MICU2: variants seen among roughly 807,000 people sequenced by gnomAD.
The protein encoded by MICU2 is mitochondrial calcium uptake 2.
MICU2 carries 64 observed loss-of-function variants against 60.4 expected under a neutral mutation model. The observed-to-expected ratio is 1.06, with a 90% CI of 0.87 to 1.31. The LOEUF (loss-of-function observed/expected upper bound fraction) is 1.31. Among genes scored for constraint, MICU2 ranks in the 50% most tolerant of loss-of-function variants. The pLI is 0.00. For missense variants in MICU2, 569 were observed against 531.0 expected (o/e 1.07, Z -0.70); for synonymous variants, 201 against 175.0 (o/e 1.15, Z -1.17).
intron 1 of MICU2, among the ~76,000 whole-genome samples, chr13:21,572,152 G>A (rs1190721068): frequency 6.6e-6 from 1 of 152,248 alleles, no homozygotes; most frequent in African/African-American, 2.4e-5. Context: ...CTAACAGCCT[G>A]ACAGTAAGGC....
chr13:21,584,261 C>T (rs947167620), intron 1 of MICU2, among the ~76,000 whole-genome samples: 13 of 151,882 alleles, frequency 8.6e-5, no homozygotes, highest in Non-Finnish European at 1.5e-4. Flanking sequence ...TGGTGGCAGG[C>T]GCCTGTAGTC....
chr13:21,591,824 A>G lies in MICU2; in HGVS notation c.210+12115T>C, dbSNP rs545241226. On this transcript the variant is annotated intron_variant, in intron 1 of 11. Transcript: ENST00000382374. Reference sequence around the variant, plus strand: ...GAAATCAACAAGTTCTTTGAAACCAATGAGAACAAAGAGATATCTCTGGGA... The same window carrying G: ...GAAATCAACAAGTTCTTTGAAACCAGTGAGAACAAAGAGATATCTCTGGGA... Among the ~76,000 whole-genome samples, 27 of 152,306 alleles carry G rather than the reference A, an allele frequency of 1.8e-4. No homozygotes were observed. The East Asian group carries it at 4.2e-3, about 24-fold the overall frequency.
At chr13:21,502,601 C>G (rs1030127123) in intron 9 of MICU2, among the ~76,000 whole-genome samples, 8 of 152,200 alleles carry the variant, frequency 5.3e-5, no homozygotes, top group African/African-American at 1.9e-4. Context: ...AAGACAACTA[C>G]TACCCCCTTT....
chr13:21,547,000 T>C (rs1887434347), intron 2 of MICU2, among the ~76,000 whole-genome samples: 2 of 152,172 alleles, frequency 1.3e-5, no homozygotes, highest in Admixed American at 6.5e-5. Context: ...CTTTTTGCAT[T>C]GGCTAGACCT....
intron 4 of MICU2, among the ~76,000 whole-genome samples, chr13:21,537,322 T>G (rs1184864157): frequency 1.3e-5 from 2 of 152,210 alleles, no homozygotes; most frequent in Non-Finnish European, 2.9e-5. Context: ...TGACTCATTC[T>G]TTCATAATCT....
At chr13:21,557,606 C>T (rs1252213925) in intron 2 of MICU2, among the ~76,000 whole-genome samples, 1 of 152,168 alleles carries the variant, frequency 6.6e-6, no homozygotes, top group African/African-American at 2.4e-5. Flanking sequence ...AAATCTTAGA[C>T]TGTTTTGTAT....
chr13:21,563,985 T>C (rs187096468), intron 2 of MICU2, among the ~76,000 whole-genome samples: 1 of 152,276 alleles, frequency 6.6e-6, no homozygotes, highest in African/African-American at 2.4e-5. Flanking sequence ...AAGGCATTCT[T>C]CATTTCTGTT....
At chr13:21,581,213 G>A (rs1009948790) in intron 1 of MICU2, among the ~76,000 whole-genome samples, 4 of 152,196 alleles carry the variant, frequency 2.6e-5, no homozygotes, top group African/African-American at 9.7e-5. Context: ...CACCTCCTGG[G>A]TTCAAGCAAT....
intron 2 of MICU2, among the ~76,000 whole-genome samples, chr13:21,543,030 TATTTC>T (rs952752061): frequency 3.9e-5 from 6 of 152,222 alleles, no homozygotes; most frequent in Non-Finnish European, 2.9e-5. Context: ...ACATTTTCTT[TATTTC>T]ATAACTTTTT....
chr13:21,502,111 G>T (rs1415158422), intron 9 of MICU2, among the ~76,000 whole-genome samples: 1 of 151,570 alleles, frequency 6.6e-6, no homozygotes, highest in Non-Finnish European at 1.5e-5. Flanking sequence ...AATTAGATAA[G>T]TTTTCTTTTT....
chr13:21,500,425 T>TGTTTTG (rs1566138446), intron 9 of MICU2, among the ~76,000 whole-genome samples: 1 of 135,328 alleles, frequency 7.4e-6, no homozygotes. Context: ...TGATTTTTTT[T>TGTTTTG]TTTTTTTTTT....
At chr13:21,509,317 T>C (rs1328221053) in intron 8 of MICU2, among the ~76,000 whole-genome samples, 1 of 152,216 alleles carries the variant, frequency 6.6e-6, no homozygotes, top group Non-Finnish European at 1.5e-5. Context: ...GTTAAATAAG[T>C]ACTTAAAATT....
intron 1 of MICU2, among the ~76,000 whole-genome samples, chr13:21,590,212 A>C (rs1888549540): frequency 6.6e-6 from 1 of 152,222 alleles, no homozygotes; most frequent in African/African-American, 2.4e-5. Context: ...AGTCACCTAC[A>C]AAGGGAAGCC....
At chr13:21,532,240 G>A (rs984993495) in intron 4 of MICU2, among the ~76,000 whole-genome samples, 1 of 152,078 alleles carries the variant, frequency 6.6e-6, no homozygotes, top group Non-Finnish European at 1.5e-5. Context: ...ATCTCTTTAC[G>A]TTCAAAACTT....
chr13:21,558,986 C>A (rs1003405677), intron 2 of MICU2, among the ~76,000 whole-genome samples: 1 of 152,102 alleles, frequency 6.6e-6, no homozygotes, highest in Non-Finnish European at 1.5e-5. Context: ...CTTGGCTGCA[C>A]CAGTTTGGAA....
intron 1 of MICU2, among the ~76,000 whole-genome samples, chr13:21,580,426 T>C (rs1044677063): frequency 7.9e-5 from 12 of 152,150 alleles, no homozygotes; most frequent in South Asian, 2.1e-4. Context: ...TTAAAACTTA[T>C]TGGCGAATCT....
intron 7 of MICU2, among the ~76,000 whole-genome samples, chr13:21,512,689 T>TC (rs1269292603): frequency 6.6e-6 from 1 of 152,106 alleles, no homozygotes; most frequent in East Asian, 1.9e-4. Context: ...GACCTCGTTA[T>TC]CTGCCCACCT....
intron 2 of MICU2, among the ~76,000 whole-genome samples, chr13:21,561,822 T>C (rs970152533): frequency 4.7e-5 from 7 of 148,320 alleles, no homozygotes; most frequent in Admixed American, 3.4e-4. Flanking sequence ...TAATTTGTCA[T>C]TTAGCATTAG....
intron 1 of MICU2, among the ~76,000 whole-genome samples, chr13:21,592,781 T>C (rs913767415): frequency 2.6e-5 from 4 of 152,182 alleles, no homozygotes; most frequent in African/African-American, 9.7e-5. Flanking sequence ...ATTATCTCAA[T>C]AGATACAGAA....
Sources: allele counts gnomAD v4.1 joint callset (sites outside exome capture counted in the v4.1 genomes callset), GRCh38; gene constraint gnomAD v4.1.1; transcripts MANE v1.5; gene names NCBI Gene and HGNC (gene_info 2026-07-23, HGNC 2026-07-21).